NME7: variants seen among roughly 807,000 people sequenced by gnomAD.
NME7 encodes the protein nucleoside diphosphate kinase 7.
In NME7, 41 loss-of-function variants were observed where a neutral mutation model predicts 49.1. The ratio of observed to expected loss-of-function variants is 0.83; its 90% confidence interval spans 0.65 to 1.08. The LOEUF is 1.08. NME7 is among the 50% of genes least tolerant of loss of function. The pLI is 0.00. For missense variants in NME7, 423 were observed against 463.4 expected (o/e 0.91, Z 0.80); for synonymous variants, 139 against 150.6 (o/e 0.92, Z 0.56).
Position 169,324,496 on chromosome 1 carries a change from TG to T in NME7, c.7del (p.His3IlefsTer38). On this transcript the variant is annotated frameshift_variant, in exon 2 of 12. Transcript: ENST00000367811. LOFTEE classifies it high-confidence loss of function. MN[H>X]SERFVFIAEW... ...TGCAATGAAAACGAATCTTTCACTA[TG>T]ATTCTGCAAAGAAAGACAGAAGAAT... is the stretch of plus-strand genomic sequence containing the variant. 1 of 1,591,262 alleles carries T rather than the reference TG, an allele frequency of 6.3e-7. No individual in the cohort carries two copies. The highest frequency in any genetic ancestry group is 1.1e-5 in the South Asian group (1 of 90,428).
At chr1:169,140,531 C>A (rs1290050141) in intron 11 of NME7, among the ~76,000 whole-genome samples, 4 of 152,034 alleles carry the variant, frequency 2.6e-5, no homozygotes, top group Non-Finnish European at 5.9e-5. Flanking sequence ...GCCCCATGTT[C>A]CCACTCTGAA....
intron 7 of NME7, among the ~76,000 whole-genome samples, chr1:169,277,144 C>T (rs1009775349): frequency 2.0e-5 from 3 of 150,318 alleles, no homozygotes; most frequent in Non-Finnish European, 4.4e-5. Flanking sequence ...TGGGGTGGTG[C>T]TGAAAATATG....
At chr1:169,357,957 AG>A (rs1460913034) in intron 1 of NME7, among the ~76,000 whole-genome samples, 1 of 152,080 alleles carries the variant, frequency 6.6e-6, no homozygotes, top group African/African-American at 2.4e-5. Flanking sequence ...TATCCACAAA[AG>A]TATATGACCA....
Position 169,212,624 on chromosome 1 carries a change from C to T in NME7, c.990+18094G>A, listed in dbSNP as rs1461702381. On this transcript the variant is annotated intron_variant, in intron 10 of 11. Coordinates refer to ENST00000367811, the MANE Select transcript of NME7 (RefSeq NM_013330.5). ...CTTTTTTTTTTTTTTTTTTTTAAGT[C>T]AAGGTCTTGCTCTGTTGCCCTAGCT... 5.3e-5 allele frequency among the ~76,000 whole-genome samples: 6 copies of T among 113,712 alleles called. No homozygotes were observed. In the South Asian group the frequency reaches 8.6e-4, roughly 16 times the overall value. The allele number at this position is 113,712 out of a possible 152,430, so 74.6% of individuals were successfully genotyped here. A position where few individuals can be genotyped will look rare whatever the true frequency, so the allele number is the denominator to read the frequency against.
At chr1:169,207,028 A>G (rs12081562) in intron 10 of NME7, among the ~76,000 whole-genome samples, 6,390 of 152,164 alleles carry the variant, frequency 0.042, 199 homozygotes, top group East Asian at 0.12. Flanking sequence ...ATCTGAGGAT[A>G]GGTAATTTAT....
chr1:169,261,683 GA>G (rs1649166875), intron 7 of NME7, among the ~76,000 whole-genome samples: 2 of 133,638 alleles, frequency 1.5e-5, no homozygotes, highest in African/African-American at 5.0e-5. Context: ...ATTACTAAAG[GA>G]AATGCAAGAT....
In NME7 at chr1:169,342,423, C is replaced by T. The variant is rs181959549; in HGVS notation, c.4-17923G>A. On this transcript the variant is annotated intron_variant, in intron 1 of 11. Transcript: ENST00000367811. ...TTTCTTTATAAATTACCCAGTCTCA[C>T]GTAGTACCTTTATAGCAGTGTGAAC... Among the ~76,000 whole-genome samples, 468 of 149,788 alleles carry T rather than the reference C, an allele frequency of 3.1e-3. 10 individuals are homozygous for T. The highest frequency in any genetic ancestry group is 3.5e-3 in the Middle Eastern group (1 of 288).
At chr1:169,354,713 C>A (rs1653316289) in intron 1 of NME7, among the ~76,000 whole-genome samples, 1 of 140,634 alleles carries the variant, frequency 7.1e-6, no homozygotes. Context: ...TAAATGTATA[C>A]ATATATATAT....
At chr1:169,273,705 T>A (rs1351187130) in intron 7 of NME7, among the ~76,000 whole-genome samples, 1 of 121,388 alleles carries the variant, frequency 8.2e-6, no homozygotes, top group African/African-American at 2.7e-5. Flanking sequence ...AGTGAGAACA[T>A]GCGGTGTTTG....
At chr1:169,240,898 T>C (rs1477728455) in intron 7 of NME7, among the ~76,000 whole-genome samples, 3 of 152,108 alleles carry the variant, frequency 2.0e-5, no homozygotes, top group African/African-American at 7.2e-5. Context: ...ATTTTATCTT[T>C]GGCAAAGGCT....
chr1:169,162,704 G>A (rs1445750433), intron 11 of NME7, among the ~76,000 whole-genome samples: 1 of 152,036 alleles, frequency 6.6e-6, no homozygotes, highest in Non-Finnish European at 1.5e-5. Context: ...TTTGGGCATG[G>A]TCACACAGCC....
intron 3 of NME7, among the ~76,000 whole-genome samples, chr1:169,319,037 T>A (rs1390713959): frequency 6.8e-6 from 1 of 146,772 alleles, no homozygotes; most frequent in African/African-American, 2.7e-5. Context: ...AATTTAATTT[T>A]AATTTTAATT....
chr1:169,268,080 C>G (rs190090882), intron 7 of NME7, among the ~76,000 whole-genome samples: 1 of 132,776 alleles, frequency 7.5e-6, no homozygotes, highest in African/African-American at 2.5e-5. Context: ...GGAACTTAAA[C>G]AAATTTACAG....
At chr1:169,315,425 G>A (rs890504256) in intron 3 of NME7, among the ~76,000 whole-genome samples, 8 of 151,726 alleles carry the variant, frequency 5.3e-5, no homozygotes, top group Admixed American at 2.0e-4. Context: ...CTCCACGGCC[G>A]GCTAATTTTT....
rs10545228 is a variant in NME7, at chr1:169,232,912, C to CTT, written c.889-2095_889-2094dup. On this transcript the variant is annotated intron_variant, in intron 9 of 11. Coordinates refer to ENST00000367811, the MANE Select transcript of NME7 (RefSeq NM_013330.5). ...TTTTTCCTTTCTGTTGTTTTCTTTT[C>CTT]TTTTTTTTTTTTTTTTTTTTTTTTT... Among the ~76,000 whole-genome samples the CTT allele has an allele frequency of 7.7e-3, 573 of 74,460 alleles. 1 individual carries two copies. The highest frequency in any genetic ancestry group is 0.017 in the East Asian group (40 of 2,334). 48.8% of individuals were successfully genotyped at this position (74,460 alleles called of 152,430 possible). A position where few individuals can be genotyped will look rare whatever the true frequency, so the allele number is the denominator to read the frequency against.
intron 7 of NME7, among the ~76,000 whole-genome samples, chr1:169,238,027 G>A (rs561511775): frequency 8.6e-5 from 13 of 151,990 alleles, no homozygotes; most frequent in Middle Eastern, 3.4e-3. Context: ...ACAAAGAAAC[G>A]AAATGCCAAA....
chr1:169,206,039 G>A (rs1399934690), intron 10 of NME7, among the ~76,000 whole-genome samples: 1 of 151,906 alleles, frequency 6.6e-6, no homozygotes, highest in African/African-American at 2.4e-5. Flanking sequence ...TTTAAATGCA[G>A]CCTTCTCTGT....
At chr1:169,133,468 G>A (rs755821285) in intron 11 of NME7, among the ~76,000 whole-genome samples, 2 of 152,196 alleles carry the variant, frequency 1.3e-5, no homozygotes, top group Admixed American at 6.5e-5. Flanking sequence ...GGCCATGGCC[G>A]TTTTGGTGAG....
intron 6 of NME7, among the ~76,000 whole-genome samples, chr1:169,291,513 G>A (rs952583865): frequency 6.6e-6 from 1 of 152,158 alleles, no homozygotes; most frequent in East Asian, 1.9e-4. Context: ...GGGGTGGGGG[G>A]CTAGGGGAAG....
Sources: allele counts gnomAD v4.1 joint callset (sites outside exome capture counted in the v4.1 genomes callset), GRCh38; gene constraint gnomAD v4.1.1; transcripts MANE v1.5; gene names NCBI Gene and HGNC (gene_info 2026-07-23, HGNC 2026-07-21).